GNG7: variants seen among roughly 807,000 people sequenced by gnomAD.
GNG7 encodes the protein G protein subunit gamma 7, also known as guanine nucleotide-binding protein G(I)/G(S)/G(O) subunit gamma-7.
GNG7 carries 1 observed loss-of-function variant against 4.0 expected under a neutral mutation model. The observed-to-expected ratio is 0.25, with a 90% confidence interval of 0.09 to 1.18. The LOEUF (loss-of-function observed/expected upper bound fraction) is 1.18, where lower values mean the gene tolerates loss of function less well. Among genes scored for constraint, GNG7 ranks in the 50% most tolerant of loss-of-function variants. The pLI is 0.50. For synonymous variants in GNG7, 34 were observed against 36.9 expected (o/e 0.92, Z 0.29); for missense variants, 86 against 91.9 (o/e 0.94, Z 0.26).
At chr19:2,603,825 G>A (rs1981287892) in intron 2 of GNG7, among the ~76,000 whole-genome samples, 1 of 151,264 alleles carries the variant, frequency 6.6e-6, no homozygotes, top group Non-Finnish European at 1.5e-5. Flanking sequence ...GTTTAAGGGA[G>A]AAGTGCCTGT....
At chr19:2,620,418 C>T (rs1267802610) in intron 2 of GNG7, among the ~76,000 whole-genome samples, 1 of 152,192 alleles carries the variant, frequency 6.6e-6, no homozygotes, top group Admixed American at 6.5e-5. Flanking sequence ...TGGGCCCATG[C>T]ACCGGGAAAC....
intron 1 of GNG7, among the ~76,000 whole-genome samples, chr19:2,688,474 C>G (rs1253130721): frequency 6.6e-6 from 1 of 152,154 alleles, no homozygotes; most frequent in Non-Finnish European, 1.5e-5. Context: ...AGGGAGAGAG[C>G]AACAGGGCAC....
intron 3 of GNG7, among the ~76,000 whole-genome samples, chr19:2,537,913 C>CA (rs770027511): frequency 6.6e-5 from 10 of 151,936 alleles, no homozygotes; most frequent in Non-Finnish European, 1.5e-4. Flanking sequence ...CCATCTCTAC[C>CA]AAAAAATACA....
intron 2 of GNG7, among the ~76,000 whole-genome samples, chr19:2,594,356 C>G (rs771643583): frequency 6.7e-6 from 1 of 148,550 alleles, no homozygotes; most frequent in Non-Finnish European, 1.5e-5. Flanking sequence ...GCCTAGGCGA[C>G]AGAGTGAGAC....
At chr19:2,545,075 A>G (rs918786402) in intron 3 of GNG7, among the ~76,000 whole-genome samples, 51 of 151,950 alleles carry the variant, frequency 3.4e-4, no homozygotes, top group African/African-American at 1.2e-3. Flanking sequence ...GGACCTCAGC[A>G]CAGCAGAGGA....
intron 2 of GNG7, among the ~76,000 whole-genome samples, chr19:2,574,232 C>T (rs941343591): frequency 3.9e-5 from 6 of 152,216 alleles, no homozygotes; most frequent in Non-Finnish European, 5.9e-5. Flanking sequence ...TCTCATATGA[C>T]GCTGGAGCCG....
At chr19:2,682,939 A>G (rs1008939262) in intron 1 of GNG7, among the ~76,000 whole-genome samples, 1 of 151,902 alleles carries the variant, frequency 6.6e-6, no homozygotes, top group Non-Finnish European at 1.5e-5. Flanking sequence ...GGCTCACTGA[A>G]TAAGGACTCC....
In GNG7 at chr19:2,608,256, C is replaced by T. The variant is rs137973430; in HGVS notation, c.-78+37968G>A. Among the ~76,000 whole-genome samples, 76 of 151,912 alleles carry T rather than the reference C, an allele frequency of 5.0e-4. 1 individual carries two copies. In the East Asian group the frequency reaches 0.014, roughly 28 times the overall value. ...GGGGATGTCTGAGGAGCAGAAAGAC[C>T]GAAACGCAAGAGTAATACCTGCTGC... On this transcript the variant is annotated intron_variant, in intron 2 of 4. Coordinates refer to ENST00000382159, the MANE Select transcript of GNG7 (RefSeq NM_052847.3).
chr19:2,520,217 G>A (rs1978300394), intron 4 of GNG7, among the ~76,000 whole-genome samples: 2 of 100,186 alleles, frequency 2.0e-5, no homozygotes, highest in South Asian at 6.3e-4. Flanking sequence ...AAACAACACA[G>A]AAGTGAAAAG....
At chr19:2,516,146 G>A (rs1437844350) in intron 4 of GNG7, among the ~76,000 whole-genome samples, 3 of 152,026 alleles carry the variant, frequency 2.0e-5, no homozygotes, top group African/African-American at 4.8e-5. Context: ...GAGCCTGGGA[G>A]GTTAAGGCTG....
chr19:2,552,385 A>ATTTG (rs1294037244), intron 3 of GNG7, among the ~76,000 whole-genome samples: 1 of 150,110 alleles, frequency 6.7e-6, no homozygotes, highest in Non-Finnish European at 1.5e-5. Flanking sequence ...TCTAGTTTTT[A>ATTTG]TTTGTTTGTT....
At chr19:2,681,315 C>G (rs912473583) in intron 1 of GNG7, among the ~76,000 whole-genome samples, 39 of 152,234 alleles carry the variant, frequency 2.6e-4, no homozygotes, top group African/African-American at 9.4e-4. Context: ...TCCCGAGTAG[C>G]TGGGACTACA....
At position 2,551,435 on chromosome 19, in the gene GNG7, G is replaced by A. The variant is rs574648437; in HGVS notation, c.-38+3714C>T. ...GGCCGGGACTAGGGTGAGGCCATGCGGCACTCACCTTGGGGGCAAAATCTA... is the reference window on the plus strand; with the variant it reads ...GGCCGGGACTAGGGTGAGGCCATGCAGCACTCACCTTGGGGGCAAAATCTA... On this transcript the variant is annotated intron_variant, in intron 3 of 4. Transcript: ENST00000382159. 2.3e-3 allele frequency among the ~76,000 whole-genome samples: 347 copies of A among 151,948 alleles called. 1 individual carries two copies. The highest frequency in any genetic ancestry group is 8.3e-3 in the African/African-American group (343 of 41,476).
intron 1 of GNG7, among the ~76,000 whole-genome samples, chr19:2,654,634 T>G (rs999296684): frequency 1.6e-5 from 2 of 127,578 alleles, no homozygotes; most frequent in Non-Finnish European, 3.6e-5. Flanking sequence ...ACACCCTGAG[T>G]GGGGGGAGGG....
At position 2,633,763 on chromosome 19, in the gene GNG7, C is replaced by T. The variant is rs1461051303; in HGVS notation, c.-78+12461G>A. ...GTCCAGAAGAGGACAGAAGCCTGCT[C>T]TCAACTCACCCGGGAGGCAGGTTCT... is the stretch of plus-strand genomic sequence containing the variant. On this transcript the variant is annotated intron_variant, in intron 2 of 4. Coordinates refer to ENST00000382159, the MANE Select transcript of GNG7 (RefSeq NM_052847.3). This position sits in a 1 kb window ranked among gnomAD's most constrained non-coding sequence, Gnocchi z 5.9. 6.6e-6 allele frequency among the ~76,000 whole-genome samples: 1 copy of T among 152,118 alleles called. No homozygotes were observed. Among genetic ancestry groups the T allele is most frequent in the Admixed American group, 6.5e-5 (1 of 15,276 alleles).
rs1021849035 is a variant in GNG7, at chr19:2,614,072, C to T, written c.-78+32152G>A. 6.6e-6 allele frequency among the ~76,000 whole-genome samples: 1 copy of T among 152,220 alleles called. No homozygotes were observed. Among genetic ancestry groups the T allele is most frequent in the African/African-American group, 2.4e-5 (1 of 41,460 alleles). On this transcript the variant is annotated intron_variant, in intron 2 of 4. Coordinates refer to ENST00000382159, the MANE Select transcript of GNG7 (RefSeq NM_052847.3). The surrounding 1 kb of genome is among the most constrained non-coding windows in gnomAD (Gnocchi z 6.0). ...TACCCCCGGGGTAAAGGGGGCCAGC[C>T]TCGCACAGGTGGGTCCGTTGCAGGC...
chr19:2,675,050 A>G (rs1440719865), intron 1 of GNG7, among the ~76,000 whole-genome samples: 2 of 152,192 alleles, frequency 1.3e-5, no homozygotes, highest in East Asian at 1.9e-4. Flanking sequence ...ATTTTCACAC[A>G]CTCGGGACTG....
At chr19:2,621,918 G>C (rs1261997997) in intron 2 of GNG7, among the ~76,000 whole-genome samples, 2 of 152,062 alleles carry the variant, frequency 1.3e-5, no homozygotes, top group Non-Finnish European at 2.9e-5. Context: ...AACCGTGAGA[G>C]GACACACGTC....
chr19:2,613,356 C>T lies in GNG7; in HGVS notation c.-78+32868G>A, dbSNP rs539899457. ...TCAAGCCACTGCCTCATTGGAAGAG[C>T]AGGTGTCTACACTACCTGGAGAGGG... On this transcript the variant is annotated intron_variant, in intron 2 of 4. Transcript: ENST00000382159. 5.9e-5 allele frequency among the ~76,000 whole-genome samples: 9 copies of T among 152,310 alleles called. No individual in the cohort carries two copies. The South Asian group carries it at 1.9e-3, about 32-fold the overall frequency.
Sources: allele counts gnomAD v4.1 joint callset (sites outside exome capture counted in the v4.1 genomes callset), GRCh38; gene constraint gnomAD v4.1.1; non-coding constraint Gnocchi (gnomAD v3.1); transcripts MANE v1.5; gene names NCBI Gene and HGNC (gene_info 2026-07-23, HGNC 2026-07-21).